SERPINF2: variants seen among roughly 807,000 people sequenced by gnomAD.
SERPINF2 encodes alpha-2-antiplasmin.
In SERPINF2, 15 loss-of-function variants were observed where a neutral mutation model predicts 45.0. The ratio of observed to expected loss-of-function variants is 0.33; its 90% confidence interval spans 0.22 to 0.51. SERPINF2 has a LOEUF of 0.51. Ranked by LOEUF, SERPINF2 falls within the 20% of genes least tolerant of loss-of-function variation. SERPINF2 has a pLI of 0.97. For synonymous variants in SERPINF2, 283 were observed against 277.9 expected, an observed-to-expected ratio of 1.02 and a Z score of -0.18; for missense variants, 518 against 637.4, an observed-to-expected ratio of 0.81 and a Z score of 2.02.
At chr17:1,749,771 C>T (rs1234713232) in intron 8 of SERPINF2, among the ~76,000 whole-genome samples, 1 of 152,074 alleles carries the variant, frequency 6.6e-6, no homozygotes, top group South Asian at 2.1e-4. Flanking sequence ...CTCAGGTGAC[C>T]GTTGTTGATA....
chr17:1,745,718 G>A lies in SERPINF2; in HGVS notation c.176G>A (p.Gly59Asp). The A allele has an allele frequency of 6.2e-7, 1 of 1,613,432 alleles. No individual in the cohort carries two copies. The highest frequency in any genetic ancestry group is 1.3e-5 in the African/African-American group (1 of 75,022). Reference protein sequence around the residue: ...LLKLGNQEPGGQTALKSPPGV... With the variant: ...LLKLGNQEPGDQTALKSPPGV... ...GATCTGTCCCTGCAGGAGCCTGGTG[G>A]CCAGACTGCCCTGAAGAGTCCCCCA... Residue 59 changes from glycine (G) to aspartate (D), a missense_variant, in exon 5 of 10, where the codon GGC becomes GAC. Physicochemically the swap from Gly to Asp is moderately conservative, Grantham distance 94. Transcript: ENST00000453066. This position sits in a 1 kb window ranked among gnomAD's most constrained non-coding sequence, Gnocchi z 6.2.
intron 7 of SERPINF2, 41 bp downstream of exon 7, chr17:1,747,553 G>A (rs1427961418): frequency 1.3e-6 from 2 of 1,596,602 alleles, no homozygotes; most frequent in Admixed American, 3.4e-5. Flanking sequence ...CCTGTAGGCT[G>A]AGCTGGGACG....
intron 1 of SERPINF2, 58 bp downstream of exon 1, chr17:1,742,966 C>G: frequency 1.0e-6 from 1 of 985,434 alleles, no homozygotes; most frequent in Non-Finnish European, 1.2e-6. Context: ...GAGGGAGCTG[C>G]CTCCCTGGCT....
chr17:1,751,676 T>C (rs1281814402), intron 8 of SERPINF2, among the ~76,000 whole-genome samples: 1 of 133,548 alleles, frequency 7.5e-6, no homozygotes, highest in East Asian at 3.0e-4. Flanking sequence ...ATGGCGTGAA[T>C]CCACGAGGCG....
At chr17:1,751,763 GAAAAAAAAA>G (rs1360692692) in intron 8 of SERPINF2, among the ~76,000 whole-genome samples, 1 of 90,382 alleles carries the variant, frequency 1.1e-5, no homozygotes, top group East Asian at 4.7e-4. Flanking sequence ...CAAAAGAAAA[GAAAAAAAAA>G]GAAATCTTAA....
rs763690069 is a variant in SERPINF2, at chr17:1,747,107, C to T, written c.456C>T (p.Cys152=). 3.1e-6 allele frequency: 5 copies of T among 1,611,358 alleles called. No homozygotes were observed. The highest frequency in any genetic ancestry group is 2.2e-5 in the East Asian group (1 of 44,880). ...PCLPHLLSRL[C]QDLGPGAFRL... ...TCCCCCATCTGCTGAGCCGCCTCTG[C>T]CAGGACCTGGGCCCCGGCGCGTTCC... Residue 152 remains cysteine, a synonymous_variant, in exon 6 of 10, where the codon TGC becomes TGT. Transcript: ENST00000453066.
In SERPINF2 at chr17:1,754,354, C is replaced by G; in HGVS notation, c.1296C>G (p.Ser432Arg). ...CAGGCCTTCCCCTCTTCGTGGGCAGCGTGAGGAACCCCAACCCCAGTGCAC... is the reference window on the plus strand; with the variant it reads ...CAGGCCTTCCCCTCTTCGTGGGCAGGGTGAGGAACCCCAACCCCAGTGCAC... Reference protein sequence around the residue: ...DTTGLPLFVGSVRNPNPSAPR... With the variant: ...DTTGLPLFVGRVRNPNPSAPR... Residue 432 changes from serine to arginine, a missense_variant, in exon 10 of 10, where the codon AGC becomes AGG. Coordinates refer to ENST00000453066, the MANE Select transcript of SERPINF2 (RefSeq NM_000934.4). The G allele has an allele frequency of 3.1e-6, 5 of 1,614,158 alleles. No individual in the cohort carries two copies. Among genetic ancestry groups the G allele is most frequent in the Non-Finnish European group, 3.4e-6 (4 of 1,180,026 alleles).
chr17:1,748,316 A>AT (rs1358106288), intron 7 of SERPINF2, among the ~76,000 whole-genome samples: 1 of 145,712 alleles, frequency 6.9e-6, no homozygotes, highest in Non-Finnish European at 1.5e-5. Flanking sequence ...AAAAAAAAAA[A>AT]AGATCCAGGA....
intron 1 of SERPINF2, among the ~76,000 whole-genome samples, chr17:1,743,256 A>C (rs1362221159): frequency 6.6e-6 from 1 of 152,238 alleles, no homozygotes; most frequent in Non-Finnish European, 1.5e-5. Flanking sequence ...CCTGGAGCAG[A>C]GGCCTGTGAT....
chr17:1,747,174 T>C lies in SERPINF2; in HGVS notation c.511+12T>C, dbSNP rs768344384. The C allele has an allele frequency of 8.7e-6, 14 of 1,611,968 alleles. No individual in the cohort carries two copies. Among genetic ancestry groups the C allele is most frequent in the Admixed American group, 1.7e-5 (1 of 59,970 alleles). On this transcript the variant is annotated intron_variant, in intron 6 of 9. Transcript: ENST00000453066. Reference sequence around the variant, plus strand: ...GTACCTGCAGAAAGGTAGGCGCTGATGGCAGGGAGCTCCCTCAGTCCTGCC... The same window carrying C: ...GTACCTGCAGAAAGGTAGGCGCTGACGGCAGGGAGCTCCCTCAGTCCTGCC...
At position 1,754,675 on chromosome 17, in the gene SERPINF2, G is replaced by A; in HGVS notation, c.*141G>A. 2.3e-6 allele frequency: 1 copy of A among 427,202 alleles called. No individual in the cohort carries two copies. Among genetic ancestry groups the A allele is most frequent in the Non-Finnish European group, 3.9e-6 (1 of 259,152 alleles). 26.5% of individuals were successfully genotyped at this position (427,202 alleles called of 1,614,324 possible). On this transcript the variant is annotated 3_prime_UTR_variant, in exon 10 of 10. Coordinates refer to ENST00000453066, the MANE Select transcript of SERPINF2 (RefSeq NM_000934.4). ...CCATTCTTTCCCAACACCTCTTGGGGAGTTTAGGGTGGGGGGGGGGCGCGG... is the reference window on the plus strand; with the variant it reads ...CCATTCTTTCCCAACACCTCTTGGGAAGTTTAGGGTGGGGGGGGGGCGCGG...
chr17:1,746,877 C>T (rs908648265), intron 5 of SERPINF2, 142 bp from the exon 6 acceptor site: 19 of 1,173,710 alleles, frequency 1.6e-5, no homozygotes, highest in African/African-American at 1.1e-4. Context: ...GTGAGAGCCA[C>T]GCAGAACAGA....
Position 1,754,680 on chromosome 17 carries a change from T to TG in SERPINF2, c.*146_*147insG. ...CTTTCCCAACACCTCTTGGGGAGTTTAGGGTGGGGGGGGGGCGCGGCTGGG... is the reference window on the plus strand; with the variant it reads ...CTTTCCCAACACCTCTTGGGGAGTTTGAGGGTGGGGGGGGGGCGCGGCTGGG... On this transcript the variant is annotated 3_prime_UTR_variant, in exon 10 of 10. Transcript: ENST00000453066. The TG allele has an allele frequency of 1.5e-5, 4 of 273,280 alleles. No homozygotes were observed. The highest frequency in any genetic ancestry group is 1.7e-5 in the Non-Finnish European group (3 of 177,732). The allele number at this position is 273,280 out of a possible 1,614,324, so 16.9% of individuals were successfully genotyped here.
chr17:1,747,368 G>T lies in SERPINF2; in HGVS notation c.571G>T (p.Val191Leu), dbSNP rs767167105. The T allele has an allele frequency of 6.2e-7, 1 of 1,614,180 alleles. No individual in the cohort carries two copies. ...CGAACAGCTATTTGGGGCAAAGCCC[G>T]TGAGCCTGACGGGAAAGCAGGAAGA... ...QSEQLFGAKP[V>L]SLTGKQEDDL... The change falls in exon 7 of 10, where the codon GTG becomes TTG. Residue 191 changes from valine to leucine, a missense_variant. By Grantham distance (32) the Val-to-Leu change is conservative. Around this residue, in one of 2 missense-constraint regions of SERPINF2, gnomAD observed 435 missense variants for 577.3 expected, o/e 0.75. Coordinates refer to ENST00000453066, the MANE Select transcript of SERPINF2 (RefSeq NM_000934.4).
intron 1 of SERPINF2, among the ~76,000 whole-genome samples, chr17:1,744,003 T>C (rs1336434324): frequency 6.6e-6 from 1 of 151,052 alleles, no homozygotes; most frequent in Non-Finnish European, 1.5e-5. Flanking sequence ...TTCAAGCAGT[T>C]CTCTGCCTCA....
chr17:1,749,471 G>A (rs1056308895), intron 8 of SERPINF2, among the ~76,000 whole-genome samples: 19 of 152,316 alleles, frequency 1.2e-4, no homozygotes, highest in Admixed American at 6.5e-4. Context: ...GGTGGCGGGC[G>A]CCTGTAATCC....
Position 1,754,186 on chromosome 17 carries a change from C to G in SERPINF2, c.1128C>G (p.Ser376=). ...TCTCCGAGCAGAGCCTGGTGGTGTCCGGCGTGCAGCATCAGTCCACCCTGG... is the reference window on the plus strand; with the variant it reads ...TCTCCGAGCAGAGCCTGGTGGTGTCGGGCGTGCAGCATCAGTCCACCCTGG... ...RGISEQSLVV[S]GVQHQSTLEL... The change falls in exon 10 of 10, where the codon TCC becomes TCG. Residue 376 remains serine (S), a synonymous_variant. Transcript: ENST00000453066. 6.2e-7 allele frequency: 1 copy of G among 1,612,504 alleles called. No homozygotes were observed. Among genetic ancestry groups the G allele is most frequent in the Non-Finnish European group, 8.5e-7 (1 of 1,180,016 alleles).
intron 9 of SERPINF2, among the ~76,000 whole-genome samples, chr17:1,753,737 C>G (rs1180586548): frequency 6.6e-6 from 1 of 152,158 alleles, no homozygotes; most frequent in Non-Finnish European, 1.5e-5. Flanking sequence ...TATCCTTCAG[C>G]CATTTGCTAA....
At chr17:1,744,711 T>C (rs1456545423) in intron 1 of SERPINF2, 2 of 985,270 alleles carry the variant, frequency 2.0e-6, no homozygotes. Flanking sequence ...CGTTTTTGAT[T>C]TGGTATCTCC....
Sources: allele counts gnomAD v4.1 joint callset (sites outside exome capture counted in the v4.1 genomes callset), GRCh38; gene constraint gnomAD v4.1.1; regional missense constraint gnomAD v4.1.1; non-coding constraint Gnocchi (gnomAD v3.1); transcripts MANE v1.5; gene names NCBI Gene and HGNC (gene_info 2026-07-23, HGNC 2026-07-21).